The following BET1 variants were observed in gnomAD, a reference collection of about 807,000 sequenced individuals.
BET1 encodes BET1 homolog.
A neutral mutation model predicts 13.9 loss-of-function variants in BET1; 9 were observed. The observed-to-expected ratio is 0.65, with a 90% CI of 0.39 to 1.13. BET1 has a LOEUF of 1.13. Among genes scored for constraint, BET1 ranks in the 50% most tolerant of loss-of-function variants. BET1 has a pLI of 0.01. For synonymous variants in BET1, 39 were observed against 47.3 expected (o/e 0.82, Z 0.72); for missense variants, 127 against 133.6 (o/e 0.95, Z 0.24).
exon 7 of BET1, chr7:93,963,821 T>C (rs935767006): frequency 1.1e-4 from 17 of 152,004 alleles, no homozygotes; most frequent in Non-Finnish European, 1.9e-4. Context: ...AAACATACTT[T>C]TTAAAAACAA....
At chr7:93,975,112 G>C (rs1231929512) in intron 5 of BET1, among the ~76,000 whole-genome samples, 1 of 151,984 alleles carries the variant, frequency 6.6e-6, no homozygotes, top group Non-Finnish European at 1.5e-5. Context: ...TGATGTAACA[G>C]ATCAGAGGAA....
At chr7:93,995,157 C>T (rs1795735118) in intron 3 of BET1, among the ~76,000 whole-genome samples, 1 of 152,060 alleles carries the variant, frequency 6.6e-6, no homozygotes, top group South Asian at 2.1e-4. Context: ...TGGACCTTTA[C>T]TTTTAATATC....
At chr7:93,982,137 T>C (rs1168362624) in intron 4 of BET1, among the ~76,000 whole-genome samples, 3 of 152,184 alleles carry the variant, frequency 2.0e-5, no homozygotes, top group Non-Finnish European at 4.4e-5. Flanking sequence ...ATTTTATATG[T>C]ATTTTTCTAT....
At chr7:93,965,708 A>G (rs930959538) in intron 6 of BET1, 1 of 152,092 alleles carries the variant, frequency 6.6e-6, no homozygotes, top group East Asian at 1.9e-4. Context: ...TACAAGATTT[A>G]TGAAAGTATA....
Position 93,997,745 on chromosome 7 carries a change from T to A in BET1, c.145-1424A>T, listed in dbSNP as rs564595350. Among the ~76,000 whole-genome samples the A allele has an allele frequency of 3.9e-5, 6 of 152,320 alleles. No homozygotes were observed. In the East Asian group the frequency reaches 9.6e-4, roughly 24 times the overall value. ...AATCACATATATTATTAAAATCATCTTCGTGTAATTCTTTGGTTCAATACA... is the reference window on the plus strand; with the variant it reads ...AATCACATATATTATTAAAATCATCATCGTGTAATTCTTTGGTTCAATACA... On this transcript the variant is annotated intron_variant, in intron 2 of 3. Transcript: ENST00000222547.
chr7:93,993,198 C>G (rs939334808), downstream of BET1: 12 of 984,428 alleles, frequency 1.2e-5, no homozygotes, highest in East Asian at 1.0e-3. Flanking sequence ...TTGTCAGGAC[C>G]ATTTCTCAGA....
intron 2 of BET1, 48 bp downstream of exon 2, chr7:93,999,122 A>G: frequency 1.5e-6 from 2 of 1,354,048 alleles, no homozygotes; most frequent in Non-Finnish European, 2.0e-6. Context: ...AATTATATGT[A>G]TAGAAATATA....
chr7:94,000,288 A>AT (rs1180517306), intron 1 of BET1: 2 of 137,538 alleles, frequency 1.5e-5, no homozygotes, highest in South Asian at 2.3e-4. Flanking sequence ...TTTTTTTTGT[A>AT]TTTTTTAGCA....
intron 6 of BET1, among the ~76,000 whole-genome samples, chr7:93,966,192 T>A (rs1195884584): frequency 6.6e-6 from 1 of 152,004 alleles, no homozygotes; most frequent in South Asian, 2.1e-4. Context: ...ATTGATTGAT[T>A]GGTCCCAAGT....
At chr7:94,001,936 A>G (rs980799375) in intron 1 of BET1, among the ~76,000 whole-genome samples, 27 of 152,194 alleles carry the variant, frequency 1.8e-4, no homozygotes, top group African/African-American at 6.3e-4. Flanking sequence ...ATGCTGTTCC[A>G]TTTATTCAAA....
intron 6 of BET1, chr7:93,972,409 A>G (rs148594996): frequency 6.6e-6 from 1 of 152,016 alleles, no homozygotes. Context: ...ATTTGTTCCT[A>G]ATAACAACCT....
At chr7:93,991,766 A>C, downstream of BET1, 1 of 952,502 alleles carries the variant, frequency 1.0e-6, no homozygotes, top group Non-Finnish European at 1.2e-6. Context: ...CCACAATGCT[A>C]CTCTGCTTCC....
Position 93,994,004 on chromosome 7 carries a change from C to A in BET1, c.*226G>T. On this transcript the variant is annotated 3_prime_UTR_variant, in exon 4 of 4. Transcript: ENST00000222547. ...CAAACTGGAAATTAGTGGAGCCACA[C>A]CCTCTCACTACCCCTGAAAATAGGG... 1 of 1,520,844 alleles carries A rather than the reference C, an allele frequency of 6.6e-7. No homozygotes were observed. The highest frequency in any genetic ancestry group is 2.5e-5 in the East Asian group (1 of 40,736). 94.2% of individuals were successfully genotyped at this position (1,520,844 alleles called of 1,614,324 possible).
At chr7:93,991,621 T>C (rs999480565), downstream of BET1, 1 of 185,260 alleles carries the variant, frequency 5.4e-6, no homozygotes, top group African/African-American at 2.4e-5. Context: ...TATTTCTATA[T>C]TTTTATACAA....
intron 1 of BET1, chr7:94,000,187 C>T (rs537598967): frequency 6.6e-6 from 1 of 151,694 alleles, no homozygotes; most frequent in East Asian, 1.9e-4. Flanking sequence ...TCACTGCAAG[C>T]TCCGCCTCCC....
intron 4 of BET1, among the ~76,000 whole-genome samples, chr7:93,976,352 G>T (rs1795336023): frequency 6.7e-6 from 1 of 149,238 alleles, no homozygotes; most frequent in Non-Finnish European, 1.5e-5. Context: ...TATTGTGTGT[G>T]TGTGTGTGTG....
downstream of BET1, chr7:93,991,665 G>A (rs1332725866): frequency 2.9e-6 from 1 of 349,338 alleles, no homozygotes; most frequent in Non-Finnish European, 4.0e-6. Flanking sequence ...GAGAAACTGA[G>A]ATGGAGAGGT....
At chr7:93,979,726 T>TGAA (rs753747622) in intron 4 of BET1, among the ~76,000 whole-genome samples, 40 of 152,230 alleles carry the variant, frequency 2.6e-4, no homozygotes, top group Admixed American at 4.6e-4. Context: ...TCCCAGCTTC[T>TGAA]CCCTGGGGAG....
intron 6 of BET1, among the ~76,000 whole-genome samples, chr7:93,968,597 A>G (rs1320186568): frequency 2.0e-5 from 3 of 151,772 alleles, no homozygotes. Flanking sequence ...TATTTTATAG[A>G]TGAGAAGACT....
Sources: allele counts gnomAD v4.1 joint callset (sites outside exome capture counted in the v4.1 genomes callset), GRCh38; gene constraint gnomAD v4.1.1; transcripts MANE v1.5; gene names NCBI Gene and HGNC (gene_info 2026-07-23, HGNC 2026-07-21).